Variants in TOGARAM1 observed in about 807,000 individuals in gnomAD.
The protein encoded by TOGARAM1 is TOG array regulator of axonemal microtubules protein 1.
A neutral mutation model predicts 166.6 loss-of-function variants in TOGARAM1; 100 were observed. The observed-to-expected ratio is 0.60, with a 90% CI of 0.51 to 0.71. The LOEUF (loss-of-function observed/expected upper bound fraction) is 0.71, where lower values mean the gene tolerates loss of function less well. Ranked by LOEUF, TOGARAM1 falls within the 30% of genes least tolerant of loss-of-function variation. TOGARAM1 has a pLI of 0.00. For synonymous variants in TOGARAM1, 758 were observed against 763.8 expected, an observed-to-expected ratio of 0.99 and a Z score of 0.13; for missense variants, 2,029 against 2,102.7, an observed-to-expected ratio of 0.96 and a Z score of 0.69.
In TOGARAM1 at chr14:45,073,348, G is replaced by C; in HGVS notation, c.5109G>C (p.Val1703=). Residue 1703 remains valine, a synonymous_variant, in exon 20 of 20, where the codon GTG becomes GTC. Transcript: ENST00000361462. ...AGCCGCATGCCACAGAGCAGAAAGTGTTGGTTGTTTTATGGCATCTCTTAG... is the reference window on the plus strand; with the variant it reads ...AGCCGCATGCCACAGAGCAGAAAGTCTTGGTTGTTTTATGGCATCTCTTAG... ...QRKPHATEQK[V]LVVLWHLLGN... The C allele has an allele frequency of 6.2e-7, 1 of 1,614,176 alleles. No homozygotes were observed.
At chr14:44,964,564 G>A (rs1013056065) in intron 1 of TOGARAM1, 97 bp downstream of exon 1, 3 of 1,317,652 alleles carry the variant, frequency 2.3e-6, no homozygotes, top group Non-Finnish European at 3.1e-6. Flanking sequence ...AGGGAAACAT[G>A]TTATGCTTTG....
At position 45,004,788 on chromosome 14, in the gene TOGARAM1, A is replaced by G. The variant is rs890054875; in HGVS notation, c.2644+422A>G. On this transcript the variant is annotated intron_variant, in intron 4 of 19. Transcript: ENST00000361462. ...ATGTTTTATAATGAACATGAACAAC[A>G]TATGTTGTTTGAGAGCCTACTAACA... Among the ~76,000 whole-genome samples, 3 of 152,062 alleles carry G rather than the reference A, an allele frequency of 2.0e-5. No homozygotes were observed. In the South Asian group the frequency reaches 6.2e-4, roughly 32 times the overall value.
Position 45,004,344 on chromosome 14 carries a change from T to A in TOGARAM1, c.2622T>A (p.Ser874=). Reference sequence around the variant, plus strand: ...AGAAGCTTGTCAGCCAAAAATCGTCTGATCCTACGGGTAGAAATCATGGTA... The same window carrying A: ...AGAAGCTTGTCAGCCAAAAATCGTCAGATCCTACGGGTAGAAATCATGGTA... ...PQKKLVSQKS[S]DPTGRNHGEN... The change falls in exon 4 of 20, where the codon TCT becomes TCA. Residue 874 remains serine, a synonymous_variant. Transcript: ENST00000361462. 1.2e-6 allele frequency: 2 copies of A among 1,613,704 alleles called. No individual in the cohort carries two copies. The highest frequency in any genetic ancestry group is 1.7e-6 in the Non-Finnish European group (2 of 1,179,854).
At chr14:44,995,668 G>T in intron 1 of TOGARAM1, 78 bp from the exon 2 acceptor site, 1 of 975,326 alleles carries the variant, frequency 1.0e-6, no homozygotes, top group Non-Finnish European at 1.5e-6. Flanking sequence ...TTTCATAATT[G>T]GATCTAAGTT....
intron 7 of TOGARAM1, among the ~76,000 whole-genome samples, chr14:45,016,260 G>T (rs1880128847): frequency 6.6e-6 from 1 of 152,206 alleles, no homozygotes; most frequent in African/African-American, 2.4e-5. Flanking sequence ...GCTGGAGGTG[G>T]TGGTGTGCAC....
At chr14:45,033,966 C>T (rs1341563746) in intron 11 of TOGARAM1, among the ~76,000 whole-genome samples, 1 of 152,054 alleles carries the variant, frequency 6.6e-6, no homozygotes, top group Non-Finnish European at 1.5e-5. Context: ...CCAGCCTGGC[C>T]AACATGGTAA....
At chr14:45,071,661 C>A in intron 18 of TOGARAM1, 51 bp from the exon 19 acceptor site, 1 of 1,273,994 alleles carries the variant, frequency 7.8e-7, no homozygotes, top group Non-Finnish European at 1.1e-6. Context: ...TGGAAAGTAA[C>A]TAAGAGCTCA....
chr14:44,962,611 A>G lies in TOGARAM1; in HGVS notation c.190A>G (p.Thr64Ala), dbSNP rs1481394269. ...GGACCACGGTTCCTGCCCCACTACA[A>G]CTTCGCCTCTGGCCTCGGCCCTCTT... ...AGDHGSCPTTTSPLASALLMP... is the reference protein window; with the variant it reads ...AGDHGSCPTTASPLASALLMP... Residue 64 changes from threonine to alanine, a missense_variant, in exon 1 of 20, where the codon ACT (threonine) becomes GCT (alanine). Physicochemically the swap from Thr to Ala is moderately conservative, Grantham distance 58. This residue lies in a region of TOGARAM1 where 1,453 missense variants were observed against 1,432.2 expected (regional missense o/e 1.01). Coordinates refer to ENST00000361462, the MANE Select transcript of TOGARAM1 (RefSeq NM_001308120.2). 1.2e-6 allele frequency: 2 copies of G among 1,613,458 alleles called. No homozygotes were observed. The highest frequency in any genetic ancestry group is 1.7e-6 in the Non-Finnish European group (2 of 1,179,682).
rs1385549212 is a variant in TOGARAM1 at position 44,963,221 on chromosome 14, A to C, written c.800A>C (p.Gln267Pro). 1.2e-6 allele frequency: 2 copies of C among 1,614,204 alleles called. No homozygotes were observed. Among genetic ancestry groups the C allele is most frequent in the South Asian group, 2.2e-5 (2 of 91,084 alleles). The change falls in exon 1 of 20, where the codon CAG (glutamine) becomes CCG (proline). Residue 267 changes from glutamine (Q) to proline (P), a missense_variant. Coordinates refer to ENST00000361462, the MANE Select transcript of TOGARAM1 (RefSeq NM_001308120.2). ...IISLARKLGDQETEEESETAF... is the reference protein window; with the variant it reads ...IISLARKLGDPETEEESETAF... ...TCCCTAGCCCGAAAGCTTGGTGATC[A>C]GGAGACAGAAGAAGAATCTGAGACA... is the stretch of plus-strand genomic sequence containing the variant.
At chr14:45,044,540 C>CA (rs11393574) in intron 12 of TOGARAM1, 95 bp from the exon 13 acceptor site, 468,167 of 666,376 alleles carry the variant, frequency 0.7, 135,109 homozygotes, top group African/African-American at 0.9. Context: ...GACCCTAACT[C>CA]AAAAAAAAAA....
chr14:44,978,257 T>A (rs1455068222), intron 1 of TOGARAM1: 1 of 152,108 alleles, frequency 6.6e-6, no homozygotes, highest in Admixed American at 6.5e-5. Flanking sequence ...AATTCCACTG[T>A]GCCCTCCAAA....
chr14:45,065,026 C>T (rs1334958534), intron 16 of TOGARAM1, among the ~76,000 whole-genome samples: 1 of 152,008 alleles, frequency 6.6e-6, no homozygotes, highest in Non-Finnish European at 1.5e-5. Flanking sequence ...AGTATACTTT[C>T]AAATAGTATT....
chr14:45,027,312 T>C lies in TOGARAM1; in HGVS notation c.3342T>C (p.Ser1114=), dbSNP rs1880906611. Residue 1114 remains serine (S), a synonymous_variant, in exon 9 of 20, where the codon AGT becomes AGC. Transcript: ENST00000361462. Reference sequence around the variant, plus strand: ...GGTTGATTTCAGGCGTATTTGGAAGTTTAAGTTCAGCACCAGCAACCTGCA... The same window carrying C: ...GGTTGATTTCAGGCGTATTTGGAAGCTTAAGTTCAGCACCAGCAACCTGCA... ...VVVVGKGVFG[S]LSSAPATCSQ... 2 of 1,612,916 alleles carry C rather than the reference T, an allele frequency of 1.2e-6. No individual in the cohort carries two copies. Among genetic ancestry groups the C allele is most frequent in the South Asian group, 2.2e-5 (2 of 90,768 alleles).
intron 4 of TOGARAM1, among the ~76,000 whole-genome samples, chr14:45,005,019 G>T (rs1401794187): frequency 6.6e-6 from 1 of 151,792 alleles, no homozygotes; most frequent in Admixed American, 6.6e-5. Flanking sequence ...ACCTCCAAGT[G>T]ATTCTCCTGC....
At chr14:45,060,357 A>G (rs1225421598) in intron 16 of TOGARAM1, among the ~76,000 whole-genome samples, 1 of 151,982 alleles carries the variant, frequency 6.6e-6, no homozygotes, top group Non-Finnish European at 1.5e-5. Context: ...CCGGGACTAC[A>G]GGCGTGTGCC....
intron 18 of TOGARAM1, among the ~76,000 whole-genome samples, chr14:45,069,564 C>T (rs1045821699): frequency 3.9e-5 from 6 of 151,972 alleles, no homozygotes; most frequent in Non-Finnish European, 5.9e-5. Flanking sequence ...TGAGGCTATA[C>T]GGATGGCAAA....
Position 44,962,892 on chromosome 14 carries a change from ACTT to A in TOGARAM1, c.474_476del (p.Leu159del), listed in dbSNP as rs1566587290. ...GTGATGAGAAGCGGCTCTGCTTGCA[ACTT>A]CTCTCGGACGTTCTCCGGGGTCAGG... On this transcript the variant is annotated inframe_deletion, in exon 1 of 20. Coordinates refer to ENST00000361462, the MANE Select transcript of TOGARAM1 (RefSeq NM_001308120.2). 1.9e-6 allele frequency: 3 copies of A among 1,613,880 alleles called. No individual in the cohort carries two copies. The highest frequency in any genetic ancestry group is 1.7e-5 in the Admixed American group (1 of 60,016).
chr14:44,985,705 C>T (rs1345167112), intron 1 of TOGARAM1, among the ~76,000 whole-genome samples: 2 of 152,226 alleles, frequency 1.3e-5, no homozygotes, highest in Non-Finnish European at 2.9e-5. Context: ...TGCTGTGTGG[C>T]TGGGTTCCTA....
At chr14:45,053,778 G>A (rs984282143) in intron 15 of TOGARAM1, among the ~76,000 whole-genome samples, 1 of 152,024 alleles carries the variant, frequency 6.6e-6, no homozygotes, top group Non-Finnish European at 1.5e-5. Flanking sequence ...TCCTAATGTT[G>A]CATAGGAACA....
Sources: allele counts gnomAD v4.1 joint callset (sites outside exome capture counted in the v4.1 genomes callset), GRCh38; gene constraint gnomAD v4.1.1; regional missense constraint gnomAD v4.1.1; transcripts MANE v1.5; gene names NCBI Gene and HGNC (gene_info 2026-07-23, HGNC 2026-07-21).